TRAK1: variants seen among roughly 807,000 people sequenced by gnomAD.
TRAK1 encodes the protein trafficking kinesin-binding protein 1.
A neutral mutation model predicts 92.1 loss-of-function variants in TRAK1; 33 were observed. The observed-to-expected ratio is 0.36, with a 90% CI of 0.27 to 0.48. The LOEUF (loss-of-function observed/expected upper bound fraction) is 0.48, where lower values mean the gene tolerates loss of function less well. Among genes scored for constraint, TRAK1 ranks in the 20% least tolerant of loss-of-function variants. The pLI, the probability that TRAK1 is intolerant of heterozygous loss-of-function variation, is 0.99. For synonymous variants in TRAK1, 521 were observed against 517.3 expected, an observed-to-expected ratio of 1.01 and a Z score of -0.10; for missense variants, 1,123 against 1,257.9, an observed-to-expected ratio of 0.89 and a Z score of 1.62.
intron 2 of TRAK1, among the ~76,000 whole-genome samples, chr3:42,150,785 C>T (rs542217684): frequency 2.0e-5 from 3 of 152,288 alleles, no homozygotes; most frequent in Admixed American, 1.3e-4. Context: ...TGGCCCCCAG[C>T]TTTAGATGCA....
At chr3:42,039,532 T>C (rs1391284937) in intron 1 of TRAK1, among the ~76,000 whole-genome samples, 2 of 152,124 alleles carry the variant, frequency 1.3e-5, no homozygotes, top group African/African-American at 4.8e-5. Context: ...CCCAGCTAAT[T>C]TTTGTATTTT....
intron 7 of TRAK1, 44 bp from the exon 8 acceptor site, chr3:42,193,018 GGGTCTGCATGTGT>G: frequency 6.2e-7 from 1 of 1,600,034 alleles, no homozygotes; most frequent in Non-Finnish European, 8.5e-7. Context: ...CATTCTCTCT[GGGTCTGCATGTGT>G]GGTTTTCTGA....
At position 42,198,822 on chromosome 3, in the gene TRAK1, T is replaced by C. The variant is rs540171638; in HGVS notation, c.1114-355T>C. On this transcript the variant is annotated intron_variant, in intron 10 of 15. Coordinates refer to ENST00000327628, the MANE Select transcript of TRAK1 (RefSeq NM_001042646.3). Reference sequence around the variant, plus strand: ...TTTGGAAATTCACCTGTCTCCATCATTCTGAACACATCACCCCTCCCTCAT... The same window carrying C: ...TTTGGAAATTCACCTGTCTCCATCACTCTGAACACATCACCCCTCCCTCAT... Among the ~76,000 whole-genome samples, 101 of 152,234 alleles carry C rather than the reference T, an allele frequency of 6.6e-4. 1 individual carries two copies. Among genetic ancestry groups the C allele is most frequent in the Admixed American group, 6.6e-3 (101 of 15,282 alleles).
At chr3:42,117,011 G>T (rs1483201994) in intron 1 of TRAK1, among the ~76,000 whole-genome samples, 2 of 152,100 alleles carry the variant, frequency 1.3e-5, no homozygotes, top group Non-Finnish European at 2.9e-5. Flanking sequence ...TCAACATTTA[G>T]AAATCAGGGA....
Position 42,224,264 on chromosome 3 carries a change from C to G in TRAK1, c.*527C>G, listed in dbSNP as rs1710624029. On this transcript the variant is annotated 3_prime_UTR_variant, in exon 16 of 16. Transcript: ENST00000327628. ...TGACGTGGCTTTCCTGATCGGAGGG[C>G]TTTTCTTTTATGGGTGGCCCAGCTT... 1 of 332,366 alleles carries G rather than the reference C, an allele frequency of 3.0e-6. No individual in the cohort carries two copies. The highest frequency in any genetic ancestry group is 5.8e-6 in the Non-Finnish European group (1 of 172,914). The allele number at this position is 332,366 out of a possible 1,614,324, so 20.6% of individuals were successfully genotyped here.
In TRAK1 at chr3:42,049,163, G is replaced by T. The variant is rs573438308; in HGVS notation, c.-519+35046G>T. Among the ~76,000 whole-genome samples, 12 of 152,318 alleles carry T rather than the reference G, an allele frequency of 7.9e-5. No homozygotes were observed. In the East Asian group the frequency reaches 2.3e-3, roughly 29 times the overall value. The stretch of plus-strand genomic sequence containing the variant: ...TTTGGCCTTGCAGGCATGAACCACC[G>T]CACCCAGCAGGGATGTTATTTTTAT... On this transcript the variant is annotated intron_variant, in intron 1 of 16. Coordinates refer to the TRAK1 transcript ENST00000487159.
At chr3:42,062,329 A>G (rs142043298) in intron 1 of TRAK1, among the ~76,000 whole-genome samples, 1 of 152,322 alleles carries the variant, frequency 6.6e-6, no homozygotes, top group African/African-American at 2.4e-5. Flanking sequence ...TTGGCTAAGG[A>G]TAGGTCTTAA....
At chr3:42,163,362 A>G (rs1701487889) in intron 2 of TRAK1, among the ~76,000 whole-genome samples, 1 of 151,964 alleles carries the variant, frequency 6.6e-6, no homozygotes, top group Admixed American at 6.6e-5. Flanking sequence ...TGAGGTCAGG[A>G]GTTCAAGACC....
chr3:42,032,260 G>C (rs1702172182), intron 1 of TRAK1, among the ~76,000 whole-genome samples: 1 of 152,218 alleles, frequency 6.6e-6, no homozygotes, highest in African/African-American at 2.4e-5. Flanking sequence ...TCAACACGGA[G>C]AGTTGGGCTT....
At chr3:42,158,739 T>A (rs866355522) in intron 2 of TRAK1, among the ~76,000 whole-genome samples, 7 of 143,748 alleles carry the variant, frequency 4.9e-5, no homozygotes, top group South Asian at 4.4e-4. Context: ...GTCAGGAGAT[T>A]GAGACCATCC....
chr3:42,199,123 A>G, intron 10 of TRAK1, 54 bp from the exon 11 acceptor site: 1 of 1,602,362 alleles, frequency 6.2e-7, no homozygotes, highest in Non-Finnish European at 8.5e-7. Flanking sequence ...TCTTTTAGAG[A>G]CAGAGCATTT....
At chr3:42,192,905 C>T (rs993827626) in intron 7 of TRAK1, among the ~76,000 whole-genome samples, 170 bp from the exon 8 acceptor site, 6 of 152,230 alleles carry the variant, frequency 3.9e-5, no homozygotes, top group Admixed American at 2.0e-4. Flanking sequence ...TGCTTTGCTT[C>T]TCCATGTGGG....
intron 1 of TRAK1, among the ~76,000 whole-genome samples, chr3:42,046,592 T>C (rs189703990): frequency 6.6e-6 from 1 of 152,292 alleles, no homozygotes; most frequent in Non-Finnish European, 1.5e-5. Flanking sequence ...CCTCTGACTT[T>C]AGTATCCCCA....
chr3:42,204,043 A>AAATTGTAT (rs2149483557), intron 13 of TRAK1: 1 of 984,956 alleles, frequency 1.0e-6, no homozygotes, highest in African/African-American at 1.7e-5. Flanking sequence ...TATTATTTTA[A>AAATTGTAT]AATTGTATAA....
chr3:42,054,951 C>T (rs536696104), intron 1 of TRAK1, among the ~76,000 whole-genome samples: 23 of 97,536 alleles, frequency 2.4e-4, no homozygotes, highest in African/African-American at 7.7e-4. Context: ...GACAGAGTCT[C>T]ACTCTGTCAC....
In TRAK1 at chr3:42,165,199, G is replaced by A. The variant is rs916797329; in HGVS notation, c.287-11615G>A. Among the ~76,000 whole-genome samples, 5 of 152,272 alleles carry A rather than the reference G, an allele frequency of 3.3e-5. No individual in the cohort carries two copies. In the East Asian group the frequency reaches 7.7e-4, roughly 24 times the overall value. On this transcript the variant is annotated intron_variant, in intron 2 of 15. Coordinates refer to ENST00000327628, the MANE Select transcript of TRAK1 (RefSeq NM_001042646.3). ...CCAGGTTTAGGTTCCCCGAGAACAC[G>A]GGCTGCAGGAGAGAGAATGCATTCC...
intron 13 of TRAK1, among the ~76,000 whole-genome samples, chr3:42,205,391 A>G (rs906142293): frequency 6.6e-6 from 1 of 152,174 alleles, no homozygotes; most frequent in Non-Finnish European, 1.5e-5. Flanking sequence ...ATAGCCAATC[A>G]GTGTTTTCCA....
Position 42,209,894 on chromosome 3 carries a change from C to G in TRAK1, c.1872C>G (p.Cys624Trp). ...ATGTTGACCTGGACGAAGTGTACTG[C>G]CTTAACGACTTTGAAGAAGATGACA... ...TLDVDLDEVY[C>W]LNDFEEDDTG... is the part of the protein sequence containing the mutation. The change falls in exon 14 of 16, where the codon TGC (cysteine) becomes TGG (tryptophan). Residue 624 changes from cysteine (C) to tryptophan (W), a missense_variant. By Grantham distance (215) the Cys-to-Trp change is radical. This residue lies in a region of TRAK1 where 401 missense variants were observed against 438.9 expected (regional missense o/e 0.91). Coordinates refer to ENST00000327628, the MANE Select transcript of TRAK1 (RefSeq NM_001042646.3). The G allele has an allele frequency of 6.2e-7, 1 of 1,614,220 alleles. No individual in the cohort carries two copies. The highest frequency in any genetic ancestry group is 1.1e-5 in the South Asian group (1 of 91,088).
intron 1 of TRAK1, among the ~76,000 whole-genome samples, chr3:42,048,707 G>A (rs73075268): frequency 0.24 from 35,648 of 151,638 alleles, 4,945 homozygotes; most frequent in Non-Finnish European, 0.31. Flanking sequence ...GACCACAGGC[G>A]CACACCAGCA....
Sources: gnomAD v4.1 joint callset for allele counts (sites outside exome capture counted in the v4.1 genomes callset) on GRCh38, gnomAD v4.1.1 for gene constraint, gnomAD v4.1.1 regional missense constraint, MANE v1.5 for transcripts, NCBI Gene and HGNC (gene_info 2026-07-23, HGNC 2026-07-21) for gene names.